Variants in GPC5 observed in about 807,000 individuals in gnomAD.
The protein encoded by GPC5 is glypican-5.
In GPC5, 47 loss-of-function variants were observed where a neutral mutation model predicts 53.9. The observed-to-expected ratio is 0.87, with a 90% CI of 0.69 to 1.11. The LOEUF is 1.11. GPC5 is among the 50% of genes most tolerant of loss of function. The probability of loss-of-function intolerance (pLI) is 0.00; values close to 1 mark genes in which losing one functional copy is unlikely to be tolerated. For synonymous variants in GPC5, 286 were observed against 263.3 expected (o/e 1.09, Z -0.84); for missense variants, 748 against 713.1 (o/e 1.05, Z -0.56).
intron 7 of GPC5, among the ~76,000 whole-genome samples, chr13:92,814,903 A>G (rs1877416253): frequency 1.3e-5 from 2 of 151,964 alleles, no homozygotes; most frequent in Non-Finnish European, 2.9e-5. Flanking sequence ...TAAATAGCCA[A>G]TTATACATGT....
intron 2 of GPC5, among the ~76,000 whole-genome samples, chr13:91,592,501 C>A (rs958812374): frequency 2.6e-5 from 4 of 152,156 alleles, no homozygotes; most frequent in African/African-American, 7.2e-5. Context: ...CCTTTGTGGG[C>A]CAGCCCTGTG....
intron 7 of GPC5, among the ~76,000 whole-genome samples, chr13:92,314,811 C>A (rs1445288891): frequency 6.6e-6 from 1 of 152,064 alleles, no homozygotes; most frequent in African/African-American, 2.4e-5. Flanking sequence ...CTTGCTCTGC[C>A]ACCCAGGCTG....
At chr13:91,641,041 A>G (rs1468375405) in intron 2 of GPC5, among the ~76,000 whole-genome samples, 1 of 152,004 alleles carries the variant, frequency 6.6e-6, no homozygotes, top group South Asian at 2.1e-4. Context: ...AAAACCAAAC[A>G]CTGCGGCCGG....
intron 7 of GPC5, among the ~76,000 whole-genome samples, chr13:92,863,749 T>C (rs1225006963): frequency 6.6e-6 from 1 of 152,130 alleles, no homozygotes; most frequent in Admixed American, 6.5e-5. Context: ...TGCATCAGCC[T>C]CCCAAAGTGC....
intron 7 of GPC5, among the ~76,000 whole-genome samples, chr13:92,775,163 G>T (rs1258515382): frequency 1.3e-5 from 2 of 152,170 alleles, no homozygotes; most frequent in East Asian, 3.9e-4. Flanking sequence ...ATATAAGACA[G>T]TGTGATACAA....
chr13:92,242,452 A>G (rs181529016), intron 7 of GPC5, among the ~76,000 whole-genome samples: 1 of 152,028 alleles, frequency 6.6e-6, no homozygotes, highest in Non-Finnish European at 1.5e-5. Flanking sequence ...TTCTGATCCT[A>G]TTTTTTAAGA....
At chr13:92,545,952 T>C (rs1283877594) in intron 7 of GPC5, among the ~76,000 whole-genome samples, 1 of 152,190 alleles carries the variant, frequency 6.6e-6, no homozygotes, top group African/African-American at 2.4e-5. Flanking sequence ...ATTTTGGCTT[T>C]TGTTGCCATT....
intron 6 of GPC5, among the ~76,000 whole-genome samples, chr13:92,108,587 C>CA (rs760488568): frequency 1.2e-4 from 18 of 152,160 alleles, no homozygotes; most frequent in Non-Finnish European, 2.5e-4. Context: ...TAAATCACCA[C>CA]AAAATAATTT....
intron 3 of GPC5, among the ~76,000 whole-genome samples, chr13:91,714,817 G>A (rs1566631385): frequency 6.6e-6 from 1 of 152,158 alleles, no homozygotes; most frequent in Non-Finnish European, 1.5e-5. Context: ...GGCTGGGAGG[G>A]TTTCTTGCTT....
At chr13:92,768,976 G>A (rs538982337) in intron 7 of GPC5, among the ~76,000 whole-genome samples, 16 of 152,198 alleles carry the variant, frequency 1.1e-4, no homozygotes, top group African/African-American at 3.9e-4. Flanking sequence ...ACTTAAATTA[G>A]TTTCATTGTA....
chr13:91,550,330 A>G (rs918415509), intron 2 of GPC5, among the ~76,000 whole-genome samples: 52 of 152,124 alleles, frequency 3.4e-4, no homozygotes, highest in African/African-American at 1.3e-3. Context: ...ACATGTCACT[A>G]AGAGTGAACC....
chr13:91,740,146 A>T (rs1233706819), intron 4 of GPC5, among the ~76,000 whole-genome samples: 1 of 152,128 alleles, frequency 6.6e-6, no homozygotes, highest in African/African-American at 2.4e-5. Flanking sequence ...CTCCCTGATG[A>T]GTTGCCTGCA....
At chr13:92,195,656 A>ATTG in intron 7 of GPC5, among the ~76,000 whole-genome samples, 1 of 152,216 alleles carries the variant, frequency 6.6e-6, no homozygotes. Context: ...TCATAACTGA[A>ATTG]GCTAGATGAC....
chr13:91,759,498 A>G (rs1053725834), intron 5 of GPC5, among the ~76,000 whole-genome samples: 1 of 152,022 alleles, frequency 6.6e-6, no homozygotes, highest in African/African-American at 2.4e-5. Flanking sequence ...TTTTATACCT[A>G]TTAATTATCC....
At chr13:92,129,085 A>C (rs1379550517) in intron 6 of GPC5, among the ~76,000 whole-genome samples, 1 of 152,216 alleles carries the variant, frequency 6.6e-6, no homozygotes, top group African/African-American at 2.4e-5. Context: ...ACACATTTCT[A>C]AGATTTTGAA....
At chr13:91,474,010 C>A (rs993574869) in intron 2 of GPC5, among the ~76,000 whole-genome samples, 1 of 151,960 alleles carries the variant, frequency 6.6e-6, no homozygotes, top group Non-Finnish European at 1.5e-5. Flanking sequence ...ATTTGAAATG[C>A]ATTTGGGGAG....
chr13:91,616,890 CT>C (rs1266020536), intron 2 of GPC5, among the ~76,000 whole-genome samples: 3 of 152,068 alleles, frequency 2.0e-5, no homozygotes, highest in Non-Finnish European at 2.9e-5. Flanking sequence ...TCTCCTTTCA[CT>C]TGTCACCTTG....
chr13:92,672,503 T>A (rs1306611734), intron 7 of GPC5, among the ~76,000 whole-genome samples: 21 of 152,098 alleles, frequency 1.4e-4, no homozygotes, highest in Admixed American at 1.4e-3. Flanking sequence ...GAGACAGAAA[T>A]AGCATTTGAC....
intron 6 of GPC5, among the ~76,000 whole-genome samples, chr13:91,936,494 A>G (rs2039872533): frequency 6.6e-6 from 1 of 152,112 alleles, no homozygotes; most frequent in Non-Finnish European, 1.5e-5. Flanking sequence ...CATTTTTGCC[A>G]CAGAAATCTA....
Sources: allele counts gnomAD v4.1 joint callset (sites outside exome capture counted in the v4.1 genomes callset), GRCh38; gene constraint gnomAD v4.1.1; transcripts MANE v1.5; gene names NCBI Gene and HGNC (gene_info 2026-07-23, HGNC 2026-07-21).